NRCAM: variants seen among roughly 807,000 people sequenced by gnomAD.
NRCAM encodes neuronal cell adhesion molecule.
In NRCAM, 83 loss-of-function variants were observed where a neutral mutation model predicts 156.5. The ratio of observed to expected loss-of-function variants is 0.53; its 90% CI spans 0.44 to 0.64. The LOEUF (loss-of-function observed/expected upper bound fraction) is 0.64, where lower values mean the gene tolerates loss of function less well. Among genes scored for constraint, NRCAM ranks in the 30% least tolerant of loss-of-function variants. The pLI is 0.00. For missense variants in NRCAM, 1,417 were observed against 1,597.3 expected (o/e 0.89, Z 1.92); for synonymous variants, 538 against 563.9 (o/e 0.95, Z 0.65).
At chr7:108,192,414 A>C (rs2072500915) in intron 17 of NRCAM, among the ~76,000 whole-genome samples, 1 of 152,088 alleles carries the variant, frequency 6.6e-6, no homozygotes, top group South Asian at 2.1e-4. Context: ...ACATATTACA[A>C]CATAATAATA....
At chr7:108,267,488 T>C (rs1012579931) in intron 3 of NRCAM, among the ~76,000 whole-genome samples, 2 of 152,176 alleles carry the variant, frequency 1.3e-5, no homozygotes, top group African/African-American at 4.8e-5. Flanking sequence ...ATATAAATAA[T>C]GATGTTTGAT....
chr7:108,237,544 T>C (rs540833889), intron 5 of NRCAM, among the ~76,000 whole-genome samples: 6 of 152,148 alleles, frequency 3.9e-5, no homozygotes, highest in Admixed American at 2.0e-4. Flanking sequence ...GAAAGAGTAA[T>C]AGCCAAGTTT....
Position 108,149,367 on chromosome 7 carries a change from T to C in NRCAM, c.*543A>G, listed in dbSNP as rs2040095677. On this transcript the variant is annotated 3_prime_UTR_variant, in exon 33 of 33. Transcript: ENST00000379028. ...ATGAACTCATTTAGCAAGTATATACTGTACAAACTGTTCCTAACAGTCTCC... is the reference window on the plus strand; with the variant it reads ...ATGAACTCATTTAGCAAGTATATACCGTACAAACTGTTCCTAACAGTCTCC... 1.3e-5 allele frequency: 2 copies of C among 155,160 alleles called. No individual in the cohort carries two copies. The highest frequency in any genetic ancestry group is 2.0e-4 in the South Asian group (1 of 4,980). The allele number at this position is 155,160 out of a possible 1,614,324, so 9.6% of individuals were successfully genotyped here.
rs563380607 is a variant in NRCAM at position 108,191,669 on chromosome 7, T to G, written c.1903+60A>C. ...TTTGATATTTATAATTTTTATCTTA[T>G]TTTTTCTTTTCAACCAAATGCAGGG... is the stretch of plus-strand genomic sequence containing the variant. On this transcript the variant is annotated intron_variant, in intron 18 of 32. Coordinates refer to ENST00000379028, the MANE Select transcript of NRCAM (RefSeq NM_001037132.4). 4.7e-4 allele frequency: 714 copies of G among 1,520,164 alleles called. 5 individuals are homozygous for G. In the South Asian group the frequency reaches 5.8e-3, roughly 12 times the overall value. 94.2% of individuals were successfully genotyped at this position (1,520,164 alleles called of 1,614,324 possible). A position where few individuals can be genotyped will look rare whatever the true frequency, so the allele number is the denominator to read the frequency against.
intron 2 of NRCAM, among the ~76,000 whole-genome samples, chr7:108,338,477 G>A (rs537047566): frequency 1.8e-4 from 28 of 152,242 alleles, no homozygotes; most frequent in Non-Finnish European, 2.5e-4. Context: ...TTCTCGACAT[G>A]GGCAGTTATG....
intron 1 of NRCAM, among the ~76,000 whole-genome samples, chr7:108,401,507 C>G (rs1342627174): frequency 6.6e-6 from 1 of 151,834 alleles, no homozygotes; most frequent in African/African-American, 2.4e-5. Flanking sequence ...TGCCACTGCA[C>G]TGCAGCCTGG....
chr7:108,253,451 G>A (rs2096473687), intron 3 of NRCAM, among the ~76,000 whole-genome samples: 1 of 152,182 alleles, frequency 6.6e-6, no homozygotes, highest in South Asian at 2.1e-4. Context: ...GAAGCCATGA[G>A]TAAAGTCCAA....
At chr7:108,237,614 G>C (rs2095188671) in intron 5 of NRCAM, 138 bp downstream of exon 5, 1 of 517,808 alleles carries the variant, frequency 1.9e-6, no homozygotes. Flanking sequence ...ACAATGTTTA[G>C]CTACAGTAAA....
chr7:108,237,843 G>A (rs566357011), intron 4 of NRCAM, 74 bp from the exon 5 acceptor site: 33 of 1,138,588 alleles, frequency 2.9e-5, no homozygotes, highest in South Asian at 6.7e-5. Flanking sequence ...TAATAAGAAC[G>A]TTAGAACTCT....
At chr7:108,174,896 T>C (rs1159948807) in intron 28 of NRCAM, among the ~76,000 whole-genome samples, 1 of 152,234 alleles carries the variant, frequency 6.6e-6, no homozygotes, top group Non-Finnish European at 1.5e-5. Context: ...ACACTGTGTC[T>C]ACAAGGAGAG....
intron 29 of NRCAM, among the ~76,000 whole-genome samples, chr7:108,168,006 A>G (rs1174230482): frequency 6.6e-6 from 1 of 152,220 alleles, no homozygotes; most frequent in Non-Finnish European, 1.5e-5. Context: ...TGTTGTGGGC[A>G]CAGAACTAGT....
intron 32 of NRCAM, chr7:108,156,495 G>T: frequency 1.2e-6 from 1 of 847,164 alleles, no homozygotes; most frequent in African/African-American, 1.8e-5. Context: ...GCTTCCAACA[G>T]AGGGTAACTG....
intron 3 of NRCAM, among the ~76,000 whole-genome samples, chr7:108,264,167 A>G (rs71568515): frequency 0.019 from 2,957 of 152,184 alleles, 45 homozygotes; most frequent in Middle Eastern, 0.044. Flanking sequence ...TAGTAGAGAT[A>G]GGTTTCACCA....
chr7:108,324,580 C>T (rs2099043306), intron 2 of NRCAM, among the ~76,000 whole-genome samples: 1 of 152,132 alleles, frequency 6.6e-6, no homozygotes, highest in Non-Finnish European at 1.5e-5. Flanking sequence ...TGCTTTTCTT[C>T]AACAGGCTCT....
At chr7:108,307,760 G>T (rs2098739397) in intron 3 of NRCAM, among the ~76,000 whole-genome samples, 2 of 151,886 alleles carry the variant, frequency 1.3e-5, no homozygotes, top group South Asian at 4.2e-4. Context: ...GCAGGGGCCT[G>T]GTCCTGGCCT....
chr7:108,168,834 A>T (rs547849152), intron 28 of NRCAM, among the ~76,000 whole-genome samples: 10 of 152,206 alleles, frequency 6.6e-5, no homozygotes, highest in African/African-American at 2.4e-4. Flanking sequence ...CCTATTTGTC[A>T]TCTCAATGCA....
At chr7:108,229,014 G>T (rs565589037) in intron 8 of NRCAM, among the ~76,000 whole-genome samples, 1 of 151,994 alleles carries the variant, frequency 6.6e-6, no homozygotes. Context: ...AATGTTAGAG[G>T]CAAATTTTCT....
chr7:108,158,399 CT>C (rs2046816516), intron 32 of NRCAM, among the ~76,000 whole-genome samples: 1 of 152,062 alleles, frequency 6.6e-6, no homozygotes, highest in Non-Finnish European at 1.5e-5. Context: ...AAATATATGT[CT>C]TTTTCTCAAT....
chr7:108,320,710 A>G (rs1049081086), intron 2 of NRCAM, among the ~76,000 whole-genome samples: 3 of 152,252 alleles, frequency 2.0e-5, no homozygotes, highest in African/African-American at 7.2e-5. Flanking sequence ...AAATTTGATT[A>G]GTATCTAAGA....
Sources: gnomAD v4.1 joint callset for allele counts (sites outside exome capture counted in the v4.1 genomes callset) on GRCh38, gnomAD v4.1.1 for gene constraint, MANE v1.5 for transcripts, NCBI Gene and HGNC (gene_info 2026-07-23, HGNC 2026-07-21) for gene names.